Variants in FMN1 observed in about 807,000 individuals in gnomAD.
FMN1 encodes the protein formin 1.
In FMN1, 110 loss-of-function variants were observed where a neutral mutation model predicts 132.4. The ratio of observed to expected loss-of-function variants is 0.83; its 90% CI spans 0.71 to 0.97. FMN1 has a LOEUF of 0.97. FMN1 is among the 50% of genes least tolerant of loss of function. The pLI is 0.00. For missense variants in FMN1, 1,792 were observed against 1,705.3 expected (o/e 1.05, Z -0.90); for synonymous variants, 722 against 651.7 (o/e 1.11, Z -1.64).
intron 6 of FMN1, among the ~76,000 whole-genome samples, chr15:33,010,975 G>C (rs905215133): frequency 6.8e-6 from 1 of 146,326 alleles, no homozygotes; most frequent in Non-Finnish European, 1.5e-5. Context: ...ATATTGTAAA[G>C]GTGTGAGTCT....
chr15:32,805,510 A>T (rs1274095450), intron 17 of FMN1, among the ~76,000 whole-genome samples: 1 of 152,008 alleles, frequency 6.6e-6, no homozygotes, highest in Non-Finnish European at 1.5e-5. Context: ...GTTTAATTAG[A>T]TCCCATTTAT....
chr15:33,126,006 CAT>C (rs72344095), intron 4 of FMN1, among the ~76,000 whole-genome samples: 14,255 of 148,732 alleles, frequency 0.096, 1,919 homozygotes, highest in African/African-American at 0.31. Context: ...TAAATCTACA[CAT>C]GAGATAACAG....
At chr15:33,164,948 A>G (rs931491264) in intron 3 of FMN1, among the ~76,000 whole-genome samples, 1 of 152,176 alleles carries the variant, frequency 6.6e-6, no homozygotes, top group African/African-American at 2.4e-5. Flanking sequence ...TTCCAGCTAT[A>G]CTGTTTTAGT....
chr15:33,119,543 C>G (rs2140165630), intron 4 of FMN1, among the ~76,000 whole-genome samples: 1 of 152,302 alleles, frequency 6.6e-6, no homozygotes, highest in Non-Finnish European at 1.5e-5. Flanking sequence ...GGTTTCGCCA[C>G]TTTATAGCCC....
At chr15:32,942,102 G>A (rs1039014554) in intron 9 of FMN1, among the ~76,000 whole-genome samples, 1 of 152,220 alleles carries the variant, frequency 6.6e-6, no homozygotes, top group Non-Finnish European at 1.5e-5. Context: ...CCTGCCACAT[G>A]CCAGGATTAG....
intron 17 of FMN1, among the ~76,000 whole-genome samples, chr15:32,812,303 G>C (rs866134198): frequency 2.6e-5 from 4 of 152,154 alleles, no homozygotes; most frequent in Non-Finnish European, 4.4e-5. Context: ...AAACTTACAA[G>C]TGACTTATAA....
chr15:32,957,298 CTT>C (rs869111673), intron 9 of FMN1, among the ~76,000 whole-genome samples: 11,411 of 84,214 alleles, frequency 0.14, 724 homozygotes, highest in African/African-American at 0.21. Context: ...CAGAGCAGTT[CTT>C]TTTTTTTTTT....
intron 6 of FMN1, among the ~76,000 whole-genome samples, chr15:33,057,226 TTTTC>T (rs998375002): frequency 2.6e-5 from 4 of 152,074 alleles, no homozygotes; most frequent in East Asian, 1.9e-4. Context: ...AGGATAGTGG[TTTTC>T]TTTGACGGAA....
At chr15:32,995,446 T>C (rs899305294) in intron 7 of FMN1, among the ~76,000 whole-genome samples, 3 of 152,220 alleles carry the variant, frequency 2.0e-5, no homozygotes, top group African/African-American at 7.2e-5. Context: ...ATTTAGCCTT[T>C]ATGGTATAAA....
At chr15:33,000,117 T>C (rs1286907399) in intron 7 of FMN1, among the ~76,000 whole-genome samples, 1 of 152,094 alleles carries the variant, frequency 6.6e-6, no homozygotes, top group Non-Finnish European at 1.5e-5. Flanking sequence ...ACCTGCTGAC[T>C]AGGAAGGAGA....
intron 16 of FMN1, among the ~76,000 whole-genome samples, chr15:32,881,460 C>T (rs1160562029): frequency 6.6e-6 from 1 of 152,116 alleles, no homozygotes; most frequent in African/African-American, 2.4e-5. Context: ...TACTATCGTT[C>T]TAGAAATTTT....
In FMN1 at chr15:33,178,822, G is replaced by C. The variant is rs571175648; in HGVS notation, c.-132+1376C>G. Among the ~76,000 whole-genome samples, 18 of 152,206 alleles carry C rather than the reference G, an allele frequency of 1.2e-4. 1 individual carries two copies. The South Asian group carries it at 3.5e-3, about 30-fold the overall frequency. On this transcript the variant is annotated intron_variant, in intron 3 of 20. Coordinates refer to ENST00000616417, the MANE Select transcript of FMN1 (RefSeq NM_001277313.2). Reference sequence around the variant, plus strand: ...CAAGAATAGAATCCCAATACACCCTGCCTTCTATTGGCAATGAACCTTTTG... The same window carrying C: ...CAAGAATAGAATCCCAATACACCCTCCCTTCTATTGGCAATGAACCTTTTG...
intron 15 of FMN1, 31 bp downstream of exon 15, chr15:32,898,803 T>G: frequency 6.9e-7 from 1 of 1,448,378 alleles, no homozygotes; most frequent in South Asian, 1.2e-5. Context: ...GAGTAAGAGG[T>G]GAAACTTTTC....
At chr15:33,163,897 C>T (rs943657933) in intron 3 of FMN1, among the ~76,000 whole-genome samples, 19 of 152,164 alleles carry the variant, frequency 1.2e-4, no homozygotes, top group Non-Finnish European at 2.2e-4. Context: ...GGATTACAGG[C>T]GTAAGCCACT....
At chr15:33,068,772 T>C (rs1175118879) in intron 5 of FMN1, among the ~76,000 whole-genome samples, 1 of 152,172 alleles carries the variant, frequency 6.6e-6, no homozygotes, top group Non-Finnish European at 1.5e-5. Context: ...CTCAGTGCTC[T>C]ACAAACAGGT....
At chr15:33,080,957 C>T (rs1362137627) in intron 5 of FMN1, among the ~76,000 whole-genome samples, 2 of 152,038 alleles carry the variant, frequency 1.3e-5, no homozygotes, top group South Asian at 4.2e-4. Flanking sequence ...CTCCCCCACC[C>T]GGAGCTTGCT....
intron 19 of FMN1, among the ~76,000 whole-genome samples, chr15:32,787,181 A>G (rs1009280686): frequency 2.6e-5 from 4 of 152,240 alleles, no homozygotes; most frequent in Non-Finnish European, 5.9e-5. Flanking sequence ...TAATTTCTCA[A>G]TTTAAAGGGA....
intron 9 of FMN1, among the ~76,000 whole-genome samples, chr15:32,930,748 C>A (rs2122436): frequency 1.3e-5 from 2 of 151,564 alleles, no homozygotes; most frequent in Non-Finnish European, 2.9e-5. Context: ...GCTTTTCATG[C>A]TATATCCAGG....
intron 5 of FMN1, among the ~76,000 whole-genome samples, chr15:33,079,569 G>A (rs1191827278): frequency 6.6e-6 from 1 of 152,270 alleles, no homozygotes; most frequent in African/African-American, 2.4e-5. Context: ...GTTGGAGTGA[G>A]CTGAGATCAT....
Sources: allele counts gnomAD v4.1 joint callset (sites outside exome capture counted in the v4.1 genomes callset), GRCh38; gene constraint gnomAD v4.1.1; transcripts MANE v1.5; gene names NCBI Gene and HGNC (gene_info 2026-07-23, HGNC 2026-07-21).